The following PIKFYVE variants were observed in gnomAD, a reference collection of about 807,000 sequenced individuals.
PIKFYVE encodes 1-phosphatidylinositol 3-phosphate 5-kinase.
In PIKFYVE, 122 loss-of-function variants were observed where a neutral mutation model predicts 257.9. The ratio of observed to expected loss-of-function variants is 0.47; its 90% confidence interval spans 0.41 to 0.55. The LOEUF (loss-of-function observed/expected upper bound fraction) is 0.55, where lower values mean the gene tolerates loss of function less well. Ranked by LOEUF, PIKFYVE falls within the 20% of genes least tolerant of loss-of-function variation. The probability of loss-of-function intolerance (pLI) is 0.00; values close to 1 mark genes in which losing one functional copy is unlikely to be tolerated. For synonymous variants in PIKFYVE, 892 were observed against 868.9 expected, an observed-to-expected ratio of 1.03 and a Z score of -0.47; for missense variants, 2,160 against 2,536.6, an observed-to-expected ratio of 0.85 and a Z score of 3.19.
At chr2:208,303,704 C>T (rs980011909) in intron 10 of PIKFYVE, among the ~76,000 whole-genome samples, 2 of 151,982 alleles carry the variant, frequency 1.3e-5, no homozygotes, top group Non-Finnish European at 2.9e-5. Flanking sequence ...AACCCTTGTT[C>T]AAAGGTCAGC....
At chr2:208,312,339 T>A (rs373726277) in intron 13 of PIKFYVE, 44 bp downstream of exon 13, 1 of 1,463,010 alleles carries the variant, frequency 6.8e-7, no homozygotes, top group South Asian at 1.2e-5. Flanking sequence ...TCTCTTTTTT[T>A]CATGAGGATA....
intron 7 of PIKFYVE, 62 bp from the exon 8 acceptor site, chr2:208,298,579 G>C: frequency 6.3e-7 from 1 of 1,579,472 alleles, no homozygotes; most frequent in Non-Finnish European, 8.7e-7. Context: ...AATTTTCTCT[G>C]TAATTCTGTT....
chr2:208,338,440 G>A, intron 28 of PIKFYVE, 68 bp from the exon 29 acceptor site: 4 of 1,479,904 alleles, frequency 2.7e-6, no homozygotes, highest in Non-Finnish European at 3.8e-6. Context: ...AAGATTCACT[G>A]GATTAAAAAA....
intron 5 of PIKFYVE, among the ~76,000 whole-genome samples, chr2:208,278,299 T>C (rs2125067671): frequency 6.6e-6 from 1 of 152,262 alleles, no homozygotes; most frequent in Admixed American, 6.5e-5. Context: ...TGCTCATTTT[T>C]TTTTCCACCT....
chr2:208,272,380 A>G (rs931017647), intron 2 of PIKFYVE, among the ~76,000 whole-genome samples: 1 of 152,176 alleles, frequency 6.6e-6, no homozygotes, highest in African/African-American at 2.4e-5. Flanking sequence ...GGGGGTTAAT[A>G]GCTAAAATAT....
At chr2:208,337,585 C>T (rs1472568739) in intron 28 of PIKFYVE, among the ~76,000 whole-genome samples, 6 of 151,798 alleles carry the variant, frequency 4.0e-5, no homozygotes, top group South Asian at 4.2e-4. Context: ...ATCTGTCTAT[C>T]GATCTATCTA....
chr2:208,356,223 T>G lies in PIKFYVE; in HGVS notation c.*918T>G, dbSNP rs1461917616. On this transcript the variant is annotated 3_prime_UTR_variant, in exon 42 of 42. Coordinates refer to ENST00000264380, the MANE Select transcript of PIKFYVE (RefSeq NM_015040.4). ...AGAAATTGAGTGAGAAGGAAACACT[T>G]GTTTTATTCACAGAGGTAAAGTGTC... The G allele has an allele frequency of 6.6e-6, 1 of 152,206 alleles. No homozygotes were observed. The highest frequency in any genetic ancestry group is 1.5e-5 in the Non-Finnish European group (1 of 68,030). The allele number at this position is 152,206 out of a possible 1,614,324, so 9.4% of individuals were successfully genotyped here.
At chr2:208,328,147 C>CA (rs1697144133) in intron 20 of PIKFYVE, 33 bp from the exon 21 acceptor site, 1 of 1,612,836 alleles carries the variant, frequency 6.2e-7, no homozygotes, top group Non-Finnish European at 8.5e-7. Flanking sequence ...CGGTTGCAGT[C>CA]ACTTGCTCAT....
intron 1 of PIKFYVE, among the ~76,000 whole-genome samples, chr2:208,267,768 A>G (rs1375842883): frequency 6.6e-6 from 1 of 152,134 alleles, no homozygotes; most frequent in Non-Finnish European, 1.5e-5. Context: ...CGGCCTCCCA[A>G]GGTGCTGGGA....
intron 5 of PIKFYVE, among the ~76,000 whole-genome samples, chr2:208,281,963 T>A (rs1223805542): frequency 2.0e-5 from 3 of 152,242 alleles, no homozygotes; most frequent in African/African-American, 4.8e-5. Flanking sequence ...CTAGAAACTT[T>A]CAGATAATTT....
intron 32 of PIKFYVE, among the ~76,000 whole-genome samples, chr2:208,344,297 G>T (rs142719654): frequency 6.6e-6 from 1 of 152,104 alleles, no homozygotes; most frequent in Non-Finnish European, 1.5e-5. Context: ...TGATATACTA[G>T]ATATTGGATG....
chr2:208,339,988 AAG>A (rs1698547494), intron 30 of PIKFYVE, 21 bp from the exon 31 acceptor site: 3 of 1,607,984 alleles, frequency 1.9e-6, no homozygotes, highest in Non-Finnish European at 2.6e-6. Context: ...ATTAATATAT[AAG>A]TAGACTATTT....
intron 7 of PIKFYVE, among the ~76,000 whole-genome samples, chr2:208,290,738 T>C (rs137925676): frequency 2.0e-5 from 3 of 152,320 alleles, no homozygotes; most frequent in East Asian, 3.9e-4. Context: ...CTACCAGCAA[T>C]GAATGAGAGT....
chr2:208,352,512 A>T, intron 38 of PIKFYVE, 142 bp from the exon 39 acceptor site: 1 of 851,484 alleles, frequency 1.2e-6, no homozygotes, highest in Non-Finnish European at 1.8e-6. Flanking sequence ...TCTGAGATTC[A>T]AGAGTTTGAG....
intron 12 of PIKFYVE, among the ~76,000 whole-genome samples, chr2:208,309,414 G>A (rs1458834297): frequency 6.6e-6 from 1 of 152,156 alleles, no homozygotes; most frequent in African/African-American, 2.4e-5. Context: ...AAACTTAATA[G>A]TGTGATGTGC....
Position 208,357,974 on chromosome 2 carries a change from C to T in PIKFYVE, c.*2669C>T, listed in dbSNP as rs1700255057. ...AAAACTTATTAAAAAATAGGATTTA[C>T]TTTTTTCTAATTCTGACCTAAGAAA... On this transcript the variant is annotated 3_prime_UTR_variant, in exon 42 of 42. Coordinates refer to ENST00000264380, the MANE Select transcript of PIKFYVE (RefSeq NM_015040.4). 6.6e-6 allele frequency: 1 copy of T among 152,244 alleles called. No homozygotes were observed. Among genetic ancestry groups the T allele is most frequent in the East Asian group, 1.9e-4 (1 of 5,190 alleles). The allele number at this position is 152,244 out of a possible 1,614,324, so 9.4% of individuals were successfully genotyped here.
chr2:208,339,720 A>C (rs2125710598), intron 30 of PIKFYVE, among the ~76,000 whole-genome samples, 165 bp downstream of exon 30: 1 of 152,334 alleles, frequency 6.6e-6, no homozygotes, highest in Admixed American at 6.5e-5. Context: ...AAATTATAGT[A>C]TAAACTTTGA....
At chr2:208,323,231 G>C (rs923444645) in intron 17 of PIKFYVE, among the ~76,000 whole-genome samples, 1 of 149,670 alleles carries the variant, frequency 6.7e-6, no homozygotes, top group Non-Finnish European at 1.5e-5. Context: ...TTTAGCATTA[G>C]GTATATCTCC....
chr2:208,350,747 T>A, intron 36 of PIKFYVE, 24 bp from the exon 37 acceptor site: 1 of 1,612,922 alleles, frequency 6.2e-7, no homozygotes, highest in Non-Finnish European at 8.5e-7. Context: ...TAAAGCTTTT[T>A]AAAAAAACTT....
Sources: allele counts gnomAD v4.1 joint callset (sites outside exome capture counted in the v4.1 genomes callset), GRCh38; gene constraint gnomAD v4.1.1; transcripts MANE v1.5; gene names NCBI Gene and HGNC (gene_info 2026-07-23, HGNC 2026-07-21).